Variants in LRRC4C observed in about 807,000 individuals in gnomAD.
LRRC4C encodes leucine rich repeat containing 4C, also known as leucine-rich repeat-containing protein 4C.
Under a neutral mutation model 33.6 loss-of-function variants are expected in LRRC4C, and 5 were observed. That is an observed-to-expected ratio of 0.15 (90% confidence interval 0.08 to 0.31). The LOEUF (loss-of-function observed/expected upper bound fraction) is 0.31. LRRC4C is among the 10% of genes least tolerant of loss of function. LRRC4C has a pLI of 1.00. For synonymous variants in LRRC4C, 329 were observed against 302.0 expected (o/e 1.09, Z -0.93); for missense variants, 560 against 796.7 (o/e 0.70, Z 3.58).
At chr11:40,843,225 T>C (rs1351198709) in intron 2 of LRRC4C, among the ~76,000 whole-genome samples, 1 of 152,128 alleles carries the variant, frequency 6.6e-6, no homozygotes, top group East Asian at 1.9e-4. Context: ...TAGTCTACTA[T>C]TATTATTCTC....
chr11:40,416,378 G>T (rs1950324940), intron 3 of LRRC4C, among the ~76,000 whole-genome samples: 1 of 152,116 alleles, frequency 6.6e-6, no homozygotes. Flanking sequence ...GATGGGGGTT[G>T]GGAGGGAGAG....
intron 2 of LRRC4C, among the ~76,000 whole-genome samples, chr11:40,671,106 T>G (rs1288502787): frequency 8.5e-5 from 13 of 152,314 alleles, no homozygotes; most frequent in Non-Finnish European, 4.4e-5. Context: ...GTGAGAAATG[T>G]GTATGGATTG....
chr11:40,259,525 T>C (rs1375955659), intron 4 of LRRC4C, among the ~76,000 whole-genome samples: 5 of 151,926 alleles, frequency 3.3e-5, no homozygotes, highest in Admixed American at 6.6e-5. Context: ...GGTTTTCTTC[T>C]AGGGTTTTTA....
At chr11:40,561,385 T>G (rs936879244) in intron 3 of LRRC4C, among the ~76,000 whole-genome samples, 1 of 151,400 alleles carries the variant, frequency 6.6e-6, no homozygotes, top group South Asian at 2.1e-4. Flanking sequence ...GCGGATCATC[T>G]TTATTCTTTG....
intron 2 of LRRC4C, among the ~76,000 whole-genome samples, chr11:40,679,470 C>G (rs1944569169): frequency 6.6e-6 from 1 of 152,160 alleles, no homozygotes; most frequent in Non-Finnish European, 1.5e-5. Context: ...CAGCCCCTCC[C>G]CATCACAGGC....
chr11:41,054,838 TAA>T (rs1031640370), intron 1 of LRRC4C, among the ~76,000 whole-genome samples: 1 of 152,188 alleles, frequency 6.6e-6, no homozygotes, highest in Non-Finnish European at 1.5e-5. Context: ...ATGAGTGTTG[TAA>T]AAAGAGAAGC....
chr11:40,565,624 T>G (rs891156039), intron 3 of LRRC4C, among the ~76,000 whole-genome samples: 1 of 152,112 alleles, frequency 6.6e-6, no homozygotes. Flanking sequence ...GACATCCAAT[T>G]CCTCACCCAA....
intron 2 of LRRC4C, among the ~76,000 whole-genome samples, chr11:40,864,011 G>A (rs1241646518): frequency 6.6e-6 from 1 of 151,692 alleles, no homozygotes; most frequent in Non-Finnish European, 1.5e-5. Context: ...TTATATTGAT[G>A]GCAAAATGAC....
chr11:41,007,223 AC>A (rs1168243724), intron 1 of LRRC4C, among the ~76,000 whole-genome samples: 1 of 151,926 alleles, frequency 6.6e-6, no homozygotes, highest in Non-Finnish European at 1.5e-5. Flanking sequence ...CTAGAAAAAA[AC>A]AATAGCTCAA....
At chr11:40,899,390 T>C (rs1956110788) in intron 2 of LRRC4C, among the ~76,000 whole-genome samples, 1 of 152,296 alleles carries the variant, frequency 6.6e-6, no homozygotes, top group East Asian at 1.9e-4. Context: ...TGACATCAAC[T>C]AAAAGCAGAT....
At chr11:40,976,838 G>C (rs1229423688) in intron 1 of LRRC4C, among the ~76,000 whole-genome samples, 1 of 152,112 alleles carries the variant, frequency 6.6e-6, no homozygotes, top group Non-Finnish European at 1.5e-5. Flanking sequence ...TTTCATGGAA[G>C]GCAATTTTTT....
In LRRC4C at chr11:40,957,774, G is replaced by C. The variant is rs145032349; in HGVS notation, c.-495-24051C>G. ...TCCTTCCCTTATGCAAATCTACTGG[G>C]GGATGAGGGGTTTCCAATGCAGATT... On this transcript the variant is annotated intron_variant, in intron 1 of 6. Transcript: ENST00000528697. Among the ~76,000 whole-genome samples the C allele has an allele frequency of 1.5e-3, 227 of 151,712 alleles. 2 individuals carry two copies. Among genetic ancestry groups the C allele is most frequent in the African/African-American group, 5.4e-3 (223 of 41,430 alleles).
chr11:40,200,192 A>AAAAAAAAAAAAAAAAAG (rs1862602613), intron 5 of LRRC4C, among the ~76,000 whole-genome samples: 1 of 141,344 alleles, frequency 7.1e-6, no homozygotes. Context: ...AAAAAAAAAA[A>AAAAAAAAAAAAAAAAAG]AAAAAAAAAA....
At chr11:40,465,555 CA>C (rs1952611151) in intron 3 of LRRC4C, among the ~76,000 whole-genome samples, 1 of 151,562 alleles carries the variant, frequency 6.6e-6, no homozygotes, top group Non-Finnish European at 1.5e-5. Flanking sequence ...ATGCCTTTAA[CA>C]AAGGACTAAT....
intron 5 of LRRC4C, among the ~76,000 whole-genome samples, chr11:40,179,859 G>A (rs534105212): frequency 6.6e-6 from 1 of 152,322 alleles, no homozygotes; most frequent in South Asian, 2.1e-4. Context: ...GTCGCATCTG[G>A]TTAGTAACAA....
At chr11:41,088,037 G>A (rs1940132709) in intron 1 of LRRC4C, among the ~76,000 whole-genome samples, 2 of 152,164 alleles carry the variant, frequency 1.3e-5, no homozygotes, top group African/African-American at 2.4e-5. Context: ...TAAGCAGAAA[G>A]GATTTATTAT....
intron 1 of LRRC4C, among the ~76,000 whole-genome samples, chr11:41,254,257 A>G (rs1277720992): frequency 1.3e-5 from 2 of 152,094 alleles, no homozygotes; most frequent in East Asian, 3.9e-4. Context: ...TAGAATCAAG[A>G]AACCCTTTTT....
At chr11:41,023,574 T>A (rs1856129737) in intron 1 of LRRC4C, among the ~76,000 whole-genome samples, 1 of 151,782 alleles carries the variant, frequency 6.6e-6, no homozygotes, top group South Asian at 2.1e-4. Flanking sequence ...GCTCCAGAAT[T>A]TCTAGGCATA....
intron 1 of LRRC4C, among the ~76,000 whole-genome samples, chr11:41,383,989 T>G (rs1430325988): frequency 6.6e-6 from 1 of 152,014 alleles, no homozygotes; most frequent in Admixed American, 6.6e-5. Flanking sequence ...ACCCTAATTC[T>G]GCACTAAAAT....
Sources: gnomAD v4.1 joint callset for allele counts (sites outside exome capture counted in the v4.1 genomes callset) on GRCh38, gnomAD v4.1.1 for gene constraint, MANE v1.5 for transcripts, NCBI Gene and HGNC (gene_info 2026-07-23, HGNC 2026-07-21) for gene names.